The following APP variants were observed in gnomAD, a reference collection of about 807,000 sequenced individuals.
The protein encoded by APP is amyloid-beta precursor protein.
In APP, 31 loss-of-function variants were observed where a neutral mutation model predicts 101.4. The ratio of observed to expected loss-of-function variants is 0.31; its 90% CI spans 0.23 to 0.41. The LOEUF (loss-of-function observed/expected upper bound fraction) is 0.41, where lower values mean the gene tolerates loss of function less well. Ranked by LOEUF, APP falls within the 10% of genes least tolerant of loss-of-function variation. APP has a pLI of 1.00. For synonymous variants in APP, 366 were observed against 364.4 expected (o/e 1.00, Z -0.05); for missense variants, 839 against 1,003.7 (o/e 0.84, Z 2.22).
intron 8 of APP, among the ~76,000 whole-genome samples, chr21:25,986,135 G>A (rs2042628024): frequency 6.6e-6 from 1 of 152,168 alleles, no homozygotes. Context: ...AGACACGTGT[G>A]CCCTATGTCC....
At position 26,109,658 on chromosome 21, in the gene APP, C is replaced by A. The variant is rs574204093; in HGVS notation, c.225+2321G>T. Among the ~76,000 whole-genome samples the A allele has an allele frequency of 2.0e-5, 3 of 152,202 alleles. No individual in the cohort carries two copies. The East Asian group carries it at 5.8e-4, about 29-fold the overall frequency. On this transcript the variant is annotated intron_variant, in intron 2 of 17. Coordinates refer to ENST00000346798, the MANE Select transcript of APP (RefSeq NM_000484.4). ...AGGCTAAGACAGAAAGTAAAGCTACCCAGGCATTAGTAGGATCTCTAAGTG... is the reference window on the plus strand; with the variant it reads ...AGGCTAAGACAGAAAGTAAAGCTACACAGGCATTAGTAGGATCTCTAAGTG...
chr21:25,912,402 A>ATC (rs1435032654), intron 13 of APP, among the ~76,000 whole-genome samples: 1 of 152,162 alleles, frequency 6.6e-6, no homozygotes, highest in African/African-American at 2.4e-5. Flanking sequence ...ACAACAGACA[A>ATC]TCTCCTGTCT....
chr21:26,084,980 T>C (rs2061674496), intron 3 of APP, among the ~76,000 whole-genome samples: 1 of 152,228 alleles, frequency 6.6e-6, no homozygotes. Context: ...TACAAAATTA[T>C]ATGTACTGAT....
At position 25,881,519 on chromosome 21, in the gene APP, C is replaced by G; in HGVS notation, c.*151G>C. 1 of 824,164 alleles carries G rather than the reference C, an allele frequency of 1.2e-6. No homozygotes were observed. 51.1% of individuals were successfully genotyped at this position (824,164 alleles called of 1,614,324 possible). On this transcript the variant is annotated 3_prime_UTR_variant, in exon 18 of 18. Coordinates refer to ENST00000346798, the MANE Select transcript of APP (RefSeq NM_000484.4). ...TGTGGATTAATTCAAGTTCAGGCAT[C>G]TACTTGTGTTACAGCACAGCTGTCA...
At chr21:26,056,776 G>C (rs894977915) in intron 3 of APP, among the ~76,000 whole-genome samples, 1 of 152,002 alleles carries the variant, frequency 6.6e-6, no homozygotes, top group Non-Finnish European at 1.5e-5. Context: ...TAAGCTCTCA[G>C]GACTAATGGC....
intron 8 of APP, among the ~76,000 whole-genome samples, chr21:25,988,595 G>C (rs1048831147): frequency 1.3e-5 from 2 of 151,530 alleles, no homozygotes; most frequent in Non-Finnish European, 2.9e-5. Context: ...CCAGCTACTC[G>C]GGAGGCTGAG....
intron 15 of APP, 58 bp from the exon 16 acceptor site, chr21:25,897,731 A>G (rs2146265186): frequency 6.3e-6 from 9 of 1,423,150 alleles, no homozygotes; most frequent in Admixed American, 3.3e-5. Context: ...CTCATAAATA[A>G]TAACACTGTA....
intron 1 of APP, among the ~76,000 whole-genome samples, chr21:26,165,251 A>G (rs1200427676): frequency 6.6e-6 from 1 of 152,256 alleles, no homozygotes; most frequent in African/African-American, 2.4e-5. Context: ...TTGTACATCA[A>G]CATCATCACC....
chr21:26,032,673 T>A (rs1568884869), intron 5 of APP, among the ~76,000 whole-genome samples: 1 of 152,206 alleles, frequency 6.6e-6, no homozygotes, highest in Non-Finnish European at 1.5e-5. Context: ...TGTTTTTAAC[T>A]ACAGCTTAAA....
intron 13 of APP, chr21:25,945,868 A>G (rs113997461): frequency 2.3e-4 from 103 of 455,160 alleles, no homozygotes; most frequent in African/African-American, 2.0e-3. Context: ...TTTTTGTAGA[A>G]ATGTGGTCTT....
At chr21:26,038,493 G>C (rs2045224817) in intron 5 of APP, among the ~76,000 whole-genome samples, 1 of 152,186 alleles carries the variant, frequency 6.6e-6, no homozygotes, top group Non-Finnish European at 1.5e-5. Context: ...AGCTGGCGCG[G>C]TGTCTCACGC....
chr21:26,008,624 T>C (rs956478683), intron 6 of APP, among the ~76,000 whole-genome samples: 3 of 152,162 alleles, frequency 2.0e-5, no homozygotes, highest in Admixed American at 2.0e-4. Context: ...CTTACAAAAT[T>C]CCTCTATACT....
intron 17 of APP, among the ~76,000 whole-genome samples, chr21:25,883,386 G>C (rs1467563659): frequency 6.6e-6 from 1 of 151,970 alleles, no homozygotes; most frequent in Non-Finnish European, 1.5e-5. Flanking sequence ...CTGGGAGACA[G>C]AGTGAGACTC....
intron 3 of APP, among the ~76,000 whole-genome samples, chr21:26,080,934 T>C (rs1438191176): frequency 6.6e-6 from 1 of 152,172 alleles, no homozygotes; most frequent in Non-Finnish European, 1.5e-5. Flanking sequence ...CAGCGGACAG[T>C]ATTTATGGGG....
chr21:25,883,506 A>G (rs998274730), intron 17 of APP, among the ~76,000 whole-genome samples: 1 of 152,152 alleles, frequency 6.6e-6, no homozygotes, highest in Non-Finnish European at 1.5e-5. Context: ...CCTGGCCAAC[A>G]TAGTGAAACC....
chr21:26,025,066 G>A (rs1007349632), intron 5 of APP, among the ~76,000 whole-genome samples: 1 of 152,144 alleles, frequency 6.6e-6, no homozygotes, highest in South Asian at 2.1e-4. Flanking sequence ...ATCAGATGTT[G>A]GAAGCCTTTA....
rs796614658 is a variant in APP at position 26,053,126 on chromosome 21, T to C, written c.468+110A>G. On this transcript the variant is annotated intron_variant, in intron 4 of 17. Coordinates refer to ENST00000346798, the MANE Select transcript of APP (RefSeq NM_000484.4). Reference sequence around the variant, plus strand: ...CGGATAGTAGCACTGGGTTTTTTTCTTAAATAACTTATCAACATAGCTGTT... The same window carrying C: ...CGGATAGTAGCACTGGGTTTTTTTCCTAAATAACTTATCAACATAGCTGTT... 5 of 881,618 alleles carry C rather than the reference T, an allele frequency of 5.7e-6. No homozygotes were observed. In the African/African-American group the frequency reaches 8.3e-5, roughly 15 times the overall value. 54.6% of individuals were successfully genotyped at this position (881,618 alleles called of 1,614,324 possible).
Position 26,054,227 on chromosome 21 carries a change from A to G in APP, c.356-879T>C, listed in dbSNP as rs148323684. On this transcript the variant is annotated intron_variant, in intron 3 of 17. Coordinates refer to ENST00000346798, the MANE Select transcript of APP (RefSeq NM_000484.4). ...TGGGAAAAACCTCAAAGAAGAAACAATATTCGAGATGAATCTGAATGGTGA... is the reference window on the plus strand; with the variant it reads ...TGGGAAAAACCTCAAAGAAGAAACAGTATTCGAGATGAATCTGAATGGTGA... Among the ~76,000 whole-genome samples the G allele has an allele frequency of 2.0e-3, 301 of 152,318 alleles. 1 individual carries two copies. Among genetic ancestry groups the G allele is most frequent in the African/African-American group, 7.0e-3 (289 of 41,562 alleles).
At chr21:26,037,015 C>T (rs2045146133) in intron 5 of APP, among the ~76,000 whole-genome samples, 1 of 151,974 alleles carries the variant, frequency 6.6e-6, no homozygotes, top group South Asian at 2.1e-4. Context: ...CGTGCATGCA[C>T]GTATAATGAA....
Sources: allele counts gnomAD v4.1 joint callset (sites outside exome capture counted in the v4.1 genomes callset), GRCh38; gene constraint gnomAD v4.1.1; transcripts MANE v1.5; gene names NCBI Gene and HGNC (gene_info 2026-07-23, HGNC 2026-07-21).